RAD51B: variants seen among roughly 807,000 people sequenced by gnomAD.
RAD51B encodes the protein RAD51 paralog B.
RAD51B carries 38 observed loss-of-function variants against 42.2 expected under a neutral mutation model. The ratio of observed to expected loss-of-function variants is 0.90; its 90% confidence interval spans 0.70 to 1.18. The LOEUF (loss-of-function observed/expected upper bound fraction) is 1.18. Ranked by LOEUF, RAD51B falls within the 50% of genes most tolerant of loss-of-function variation. The probability of loss-of-function intolerance (pLI) is 0.00; values close to 1 mark genes in which losing one functional copy is unlikely to be tolerated. For missense variants in RAD51B, 373 were observed against 400.7 expected (o/e 0.93, Z 0.59); for synonymous variants, 154 against 145.2 (o/e 1.06, Z -0.43).
At chr14:67,995,416 C>A (rs2075364173) in intron 7 of RAD51B, among the ~76,000 whole-genome samples, 1 of 151,612 alleles carries the variant, frequency 6.6e-6, no homozygotes, top group Non-Finnish European at 1.5e-5. Context: ...ACAACAACAA[C>A]AAAAAGAACA....
chr14:68,256,637 G>A (rs540146792), intron 7 of RAD51B, among the ~76,000 whole-genome samples: 56 of 152,074 alleles, frequency 3.7e-4, no homozygotes, highest in Middle Eastern at 3.4e-3. Flanking sequence ...GTTTTCTTTC[G>A]TCCTGTGTAA....
chr14:68,186,959 A>G (rs2079170544), intron 7 of RAD51B, among the ~76,000 whole-genome samples: 1 of 152,198 alleles, frequency 6.6e-6, no homozygotes, highest in Non-Finnish European at 1.5e-5. Context: ...AAGACATGGA[A>G]TCAGCCTAGG....
chr14:68,146,218 G>C (rs760678151), intron 7 of RAD51B, among the ~76,000 whole-genome samples: 3 of 152,182 alleles, frequency 2.0e-5, no homozygotes, highest in Admixed American at 6.5e-5. Context: ...GGGAGGCCTT[G>C]GTGGGCGGAA....
At chr14:68,492,940 C>T (rs183622505) in intron 10 of RAD51B, among the ~76,000 whole-genome samples, 2 of 152,320 alleles carry the variant, frequency 1.3e-5, no homozygotes, top group East Asian at 1.9e-4. Flanking sequence ...TCATACAGCT[C>T]GTGATCAGAG....
intron 7 of RAD51B, among the ~76,000 whole-genome samples, chr14:68,045,542 C>T (rs2076287164): frequency 6.6e-6 from 1 of 152,108 alleles, no homozygotes; most frequent in African/African-American, 2.4e-5. Flanking sequence ...TTACAGGAAA[C>T]AAAACCCAGT....
intron 7 of RAD51B, among the ~76,000 whole-genome samples, chr14:67,951,837 A>G (rs553256346): frequency 2.6e-5 from 4 of 152,230 alleles, no homozygotes; most frequent in African/African-American, 9.6e-5. Flanking sequence ...AATCAATCAC[A>G]TTTTTTCTTC....
At chr14:68,538,556 C>T (rs1276515479) in intron 10 of RAD51B, among the ~76,000 whole-genome samples, 1 of 151,596 alleles carries the variant, frequency 6.6e-6, no homozygotes, top group African/African-American at 2.4e-5. Context: ...CATTTGTACT[C>T]TTGCTCCAGG....
At chr14:68,375,483 A>G (rs1264369325) in intron 8 of RAD51B, among the ~76,000 whole-genome samples, 1 of 152,154 alleles carries the variant, frequency 6.6e-6, no homozygotes, top group Non-Finnish European at 1.5e-5. Context: ...ATGCTTTCTC[A>G]GGGCTACTTT....
At chr14:68,538,374 CTGT>C (rs575254075) in intron 10 of RAD51B, among the ~76,000 whole-genome samples, 19 of 152,338 alleles carry the variant, frequency 1.2e-4, no homozygotes, top group Admixed American at 5.9e-4. Flanking sequence ...CTCTGCTGCC[CTGT>C]ATCTGTGTGC....
intron 7 of RAD51B, among the ~76,000 whole-genome samples, chr14:67,898,504 C>G (rs919309393): frequency 6.6e-6 from 1 of 152,168 alleles, no homozygotes; most frequent in African/African-American, 2.4e-5. Context: ...CCTGGAGACA[C>G]AGTGCCTATA....
chr14:68,619,335 C>T (rs1287330304), intron 10 of RAD51B, among the ~76,000 whole-genome samples: 6 of 151,618 alleles, frequency 4.0e-5, no homozygotes, highest in Non-Finnish European at 7.4e-5. Flanking sequence ...ATTATCCAGG[C>T]GCCTGTAGTC....
chr14:68,577,763 G>A (rs1890029678), intron 10 of RAD51B, among the ~76,000 whole-genome samples: 1 of 151,920 alleles, frequency 6.6e-6, no homozygotes, highest in South Asian at 2.1e-4. Context: ...CACACACACA[G>A]TTAAAGGCAG....
At chr14:68,631,696 C>A (rs1892231062) in intron 10 of RAD51B, among the ~76,000 whole-genome samples, 1 of 152,202 alleles carries the variant, frequency 6.6e-6, no homozygotes, top group African/African-American at 2.4e-5. Flanking sequence ...GCCATGCTGT[C>A]ACTGGCAGCC....
chr14:68,662,043 C>T (rs993255766), intron 11 of RAD51B, among the ~76,000 whole-genome samples: 1 of 152,238 alleles, frequency 6.6e-6, no homozygotes, highest in Non-Finnish European at 1.5e-5. Flanking sequence ...TGGCTGTCAG[C>T]AAATGCGATC....
intron 7 of RAD51B, among the ~76,000 whole-genome samples, chr14:68,266,743 A>T (rs552771386): frequency 6.6e-6 from 1 of 152,320 alleles, no homozygotes; most frequent in African/African-American, 2.4e-5. Context: ...TTAAGAGCTG[A>T]GTGTCTTTTG....
chr14:68,204,366 A>G (rs1481054024), intron 7 of RAD51B, among the ~76,000 whole-genome samples: 1 of 152,246 alleles, frequency 6.6e-6, no homozygotes, highest in African/African-American at 2.4e-5. Context: ...ATATTTATCA[A>G]TTAAATTTGC....
In RAD51B at chr14:67,852,416, A is replaced by G. The variant is rs1159409209; in HGVS notation, c.316-12587A>G. Among the ~76,000 whole-genome samples, 5 of 152,346 alleles carry G rather than the reference A, an allele frequency of 3.3e-5. No homozygotes were observed. In the South Asian group the frequency reaches 1.0e-3, roughly 32 times the overall value. On this transcript the variant is annotated intron_variant, in intron 4 of 10. Transcript: ENST00000471583. The stretch of plus-strand genomic sequence containing the variant: ...CGACTCCATGTGGGGTTGAGCTTCC[A>G]AGAAGTCTTCCTTACATGGCTTATA...
Position 67,824,734 on chromosome 14 carries a change from A to C in RAD51B, c.85-730A>C, listed in dbSNP as rs1002248594. Reference sequence around the variant, plus strand: ...GTTATTTCATCCTATAGTCAGTTTCATTCTTTTTCAACTACGAAATATTAT... The same window carrying C: ...GTTATTTCATCCTATAGTCAGTTTCCTTCTTTTTCAACTACGAAATATTAT... On this transcript the variant is annotated intron_variant, in intron 2 of 10. Coordinates refer to ENST00000471583, the MANE Select transcript of RAD51B (RefSeq NM_133510.4). Among the ~76,000 whole-genome samples, 8 of 152,150 alleles carry C rather than the reference A, an allele frequency of 5.3e-5. No homozygotes were observed. In the East Asian group the frequency reaches 1.4e-3, roughly 26 times the overall value.
intron 9 of RAD51B, among the ~76,000 whole-genome samples, chr14:68,456,976 G>A (rs190538234): frequency 2.4e-3 from 301 of 125,790 alleles, no homozygotes; most frequent in Admixed American, 5.1e-3. Context: ...GCAGTAGCAC[G>A]ATCTTGGCTC....
Sources: allele counts gnomAD v4.1 joint callset (sites outside exome capture counted in the v4.1 genomes callset), GRCh38; gene constraint gnomAD v4.1.1; transcripts MANE v1.5; gene names NCBI Gene and HGNC (gene_info 2026-07-23, HGNC 2026-07-21).